The following ANO7 variants were observed in gnomAD, a reference collection of about 807,000 sequenced individuals.
The protein encoded by ANO7 is anoctamin 7.
A neutral mutation model predicts 115.8 loss-of-function variants in ANO7; 114 were observed. The observed-to-expected ratio is 0.98, with a 90% CI of 0.85 to 1.15. The LOEUF (loss-of-function observed/expected upper bound fraction) is 1.15. ANO7 is among the 50% of genes most tolerant of loss of function. The pLI is 0.00. For synonymous variants in ANO7, 550 were observed against 498.2 expected (o/e 1.10, Z -1.38); for missense variants, 1,302 against 1,201.2 (o/e 1.08, Z -1.24).
the ANO7 span, chr2:241,239,562 TG>T: frequency 6.5e-7 from 1 of 1,534,650 alleles, no homozygotes; most frequent in South Asian, 1.1e-5. The surrounding 1 kb of genome is among the most constrained non-coding windows in gnomAD (Gnocchi z 4.6). Flanking sequence ...GAGTGGCCAC[TG>T]GGGGGTGAGA....
downstream of ANO7, chr2:241,230,852 C>T: frequency 6.2e-7 from 1 of 1,614,226 alleles, no homozygotes. The surrounding 1 kb of genome is among the most constrained non-coding windows in gnomAD (Gnocchi z 5.0). Context: ...CCTCAGAAAC[C>T]ATCTGCTCAA....
At chr2:241,230,865 T>G, downstream of ANO7, 3 of 1,614,210 alleles carry the variant, frequency 1.9e-6, no homozygotes, top group Non-Finnish European at 2.5e-6. The surrounding 1 kb of genome is among the most constrained non-coding windows in gnomAD (Gnocchi z 5.0). Flanking sequence ...CTGCTCAAGT[T>G]CACCCACAAT....
At position 241,224,178 on chromosome 2, in the gene ANO7, C is replaced by A; in HGVS notation, c.*25C>A. ...ACGCCTGGAAGGACATCTGGTGGTC[C>A]TTAGGGGAGTGGCCCCTCCTGAGCC... On this transcript the variant is annotated 3_prime_UTR_variant, in exon 25 of 25. Coordinates refer to ENST00000674324, the MANE Select transcript of ANO7 (RefSeq NM_001370694.2). 1.2e-6 allele frequency: 2 copies of A among 1,613,712 alleles called. No individual in the cohort carries two copies. The highest frequency in any genetic ancestry group is 1.7e-6 in the Non-Finnish European group (2 of 1,179,828).
downstream of ANO7, chr2:241,230,255 G>C (rs1185300977): frequency 6.3e-7 from 1 of 1,590,122 alleles, no homozygotes; most frequent in Non-Finnish European, 8.6e-7. This position sits in a 1 kb window ranked among gnomAD's most constrained non-coding sequence, Gnocchi z 5.0. Flanking sequence ...CGCTCTGTGG[G>C]AAGCGAATGT....
chr2:241,193,618 T>C (rs1370607058), intron 3 of ANO7, among the ~76,000 whole-genome samples: 2 of 152,162 alleles, frequency 1.3e-5, no homozygotes, highest in African/African-American at 4.8e-5. Context: ...GAATATATTC[T>C]ATCCTCTGAG....
rs371239044 is a variant in ANO7 at position 241,210,618 on chromosome 2, C to T, written c.1561+48C>T. The T allele has an allele frequency of 1.1e-4, 173 of 1,508,624 alleles. No individual in the cohort carries two copies. In the East Asian group the frequency reaches 2.2e-3, roughly 19 times the overall value. 93.5% of individuals were successfully genotyped at this position (1,508,624 alleles called of 1,614,324 possible). Reference sequence around the variant, plus strand: ...GGCACTGACCAGGGGCCCACCCTGCCGGCCGCCAGCCAGAACGTGACTTTC... The same window carrying T: ...GGCACTGACCAGGGGCCCACCCTGCTGGCCGCCAGCCAGAACGTGACTTTC... On this transcript the variant is annotated intron_variant, in intron 15 of 24. Transcript: ENST00000674324.
At chr2:241,215,805 C>T (rs1434379796) in intron 18 of ANO7, among the ~76,000 whole-genome samples, 1 of 152,238 alleles carries the variant, frequency 6.6e-6, no homozygotes, top group Non-Finnish European at 1.5e-5. Context: ...CTTTGCAATT[C>T]CGGGAGGAGC....
chr2:241,217,555 G>C, intron 19 of ANO7, 131 bp from the exon 20 acceptor site: 1 of 1,048,710 alleles, frequency 9.5e-7, no homozygotes, highest in Non-Finnish European at 1.4e-6. Context: ...GGGAGACCAG[G>C]AGGTGGGGGC....
chr2:241,218,159 A>AGCGGGGGCGCGCAGGGGCGGG (rs2068903382), intron 20 of ANO7, 80 bp from the exon 21 acceptor site: 1 of 554,950 alleles, frequency 1.8e-6, no homozygotes, highest in Non-Finnish European at 2.0e-6. Context: ...GCGGGGGGGC[A>AGCGGGGGCGCGCAGGGGCGGG]GCGGGGGCGC....
At chr2:241,205,140 C>T (rs1030563745) in intron 10 of ANO7, among the ~76,000 whole-genome samples, 185 bp downstream of exon 10, 6 of 151,918 alleles carry the variant, frequency 3.9e-5, no homozygotes, top group Non-Finnish European at 7.3e-5. Context: ...GGCTGAAAGG[C>T]TGGCAGGTGG....
chr2:241,209,483 C>T lies in ANO7; in HGVS notation c.1222-15C>T. ...ACCCGGCGAGGGCCGCCACTGAGCA[C>T]CGGCTCCCTTCCAGGAGAGGCCTCG... On this transcript the variant is annotated splice_polypyrimidine_tract_variant and intron_variant, in intron 12 of 24. Transcript: ENST00000674324. 6.3e-7 allele frequency: 1 copy of T among 1,598,806 alleles called. No homozygotes were observed. The highest frequency in any genetic ancestry group is 1.1e-5 in the South Asian group (1 of 89,792).
chr2:241,210,238 G>A, intron 13 of ANO7, 57 bp from the exon 14 acceptor site: 1 of 1,556,876 alleles, frequency 6.4e-7, no homozygotes, highest in African/African-American at 1.4e-5. Context: ...ATGGCCTGAG[G>A]GTGCTGGGGT....
In ANO7 at chr2:241,217,669, T is replaced by C. The variant is rs1191350849; in HGVS notation, c.1973-17T>C. 5 of 1,566,312 alleles carry C rather than the reference T, an allele frequency of 3.2e-6. No homozygotes were observed. In the Admixed American group the frequency reaches 7.4e-5, roughly 23 times the overall value. On this transcript the variant is annotated splice_polypyrimidine_tract_variant and intron_variant, in intron 19 of 24. Transcript: ENST00000674324. ...CGGACGGTGGCGGAGAGCCCGGCCG[T>C]GACCCCCTCCCCGCAGTGCTGCAGT...
In ANO7 at chr2:241,223,467, G is replaced by A. The variant is rs886786699; in HGVS notation, c.2412+191G>A. Reference sequence around the variant, plus strand: ...ATCCCTGGGTTGTGGTGTGGACATTGTGGGTGTCTCCACAGGAGCCCCAGG... The same window carrying A: ...ATCCCTGGGTTGTGGTGTGGACATTATGGGTGTCTCCACAGGAGCCCCAGG... On this transcript the variant is annotated intron_variant, in intron 22 of 24. Coordinates refer to ENST00000674324, the MANE Select transcript of ANO7 (RefSeq NM_001370694.2). 4 of 1,036,756 alleles carry A rather than the reference G, an allele frequency of 3.9e-6. No homozygotes were observed. The African/African-American group carries it at 4.8e-5, about 12-fold the overall frequency. 64.2% of individuals were successfully genotyped at this position (1,036,756 alleles called of 1,614,324 possible).
At chr2:241,223,164 C>CT (rs759251189) in intron 21 of ANO7, 22 bp from the exon 22 acceptor site, 2 of 1,611,204 alleles carry the variant, frequency 1.2e-6, no homozygotes, top group South Asian at 2.2e-5. Context: ...GCTGCGCGCA[C>CT]TGAGTCCTGT....
chr2:241,234,268 GC>G, the ANO7 span, among the ~76,000 whole-genome samples: 3 of 152,162 alleles, frequency 2.0e-5, no homozygotes, highest in African/African-American at 4.8e-5. Flanking sequence ...CGAGCTTGGG[GC>G]CCCGCTCTCC....
At position 241,214,853 on chromosome 2, in the gene ANO7, AT is replaced by A. The variant is rs751358291; in HGVS notation, c.1778del (p.Ile593ThrfsTer19). On this transcript the variant is annotated frameshift_variant, in exon 18 of 25. Coordinates refer to ENST00000674324, the MANE Select transcript of ANO7 (RefSeq NM_001370694.2). LOFTEE classifies it high-confidence loss of function. Reference sequence around the variant, plus strand: ...CGAGCTGGCACAGGAGCTCCTGGTCATCATGGTGGGCAAGCAGGTCATCAAC... The same window carrying A: ...CGAGCTGGCACAGGAGCTCCTGGTCACATGGTGGGCAAGCAGGTCATCAAC... ...LIELAQELLV[I>X]MVGKQVINNM... The A allele has an allele frequency of 1.9e-6, 3 of 1,612,910 alleles. No homozygotes were observed. The highest frequency in any genetic ancestry group is 2.5e-6 in the Non-Finnish European group (3 of 1,179,944).
chr2:241,206,626 A>G (rs1433789580), intron 10 of ANO7, among the ~76,000 whole-genome samples: 6 of 44,334 alleles, frequency 1.4e-4, no homozygotes, highest in Admixed American at 2.3e-4. Flanking sequence ...TGACAGGTGG[A>G]CAGGAGTGCT....
chr2:241,213,072 G>A (rs1441549829), intron 17 of ANO7, among the ~76,000 whole-genome samples: 2 of 152,172 alleles, frequency 1.3e-5, no homozygotes, highest in Admixed American at 1.3e-4. Context: ...TGAGAAAAGT[G>A]TGAGCCATTA....
Sources: gnomAD v4.1 joint callset for allele counts (sites outside exome capture counted in the v4.1 genomes callset) on GRCh38, gnomAD v4.1.1 for gene constraint, Gnocchi (gnomAD v3.1) non-coding constraint, MANE v1.5 for transcripts, NCBI Gene and HGNC (gene_info 2026-07-23, HGNC 2026-07-21) for gene names.